The following SLC26A7 variants were observed in gnomAD, a reference collection of about 807,000 sequenced individuals.
SLC26A7 encodes anion exchange transporter.
A neutral mutation model predicts 82.5 loss-of-function variants in SLC26A7; 59 were observed. The ratio of observed to expected loss-of-function variants is 0.72; its 90% confidence interval spans 0.58 to 0.89. SLC26A7 has a LOEUF of 0.89. SLC26A7 is among the 40% of genes least tolerant of loss of function. The probability of loss-of-function intolerance (pLI) is 0.00; values close to 1 mark genes in which losing one functional copy is unlikely to be tolerated. For synonymous variants in SLC26A7, 271 were observed against 274.3 expected, an observed-to-expected ratio of 0.99 and a Z score of 0.12; for missense variants, 820 against 793.0, an observed-to-expected ratio of 1.03 and a Z score of -0.41.
chr8:91,340,301 G>A, intron 7 of SLC26A7, 103 bp from the exon 8 acceptor site: 1 of 1,405,304 alleles, frequency 7.1e-7, no homozygotes, highest in Non-Finnish European at 9.8e-7. Flanking sequence ...ATTTCACTTA[G>A]TCTATGTAAA....
At chr8:91,242,427 G>A (rs1810487241) in intron 2 of SLC26A7, among the ~76,000 whole-genome samples, 1 of 152,110 alleles carries the variant, frequency 6.6e-6, no homozygotes, top group South Asian at 2.1e-4. Flanking sequence ...CCTATATACA[G>A]CATTCTTAAT....
At chr8:91,346,447 C>T (rs1813566754) in intron 9 of SLC26A7, among the ~76,000 whole-genome samples, 1 of 152,098 alleles carries the variant, frequency 6.6e-6, no homozygotes, top group Non-Finnish European at 1.5e-5. Context: ...CACAAAACAA[C>T]CCCTTAAATG....
chr8:91,352,929 G>C lies in SLC26A7; in HGVS notation c.1247G>C (p.Gly416Ala), dbSNP rs1586443547. The C allele has an allele frequency of 7.5e-6, 12 of 1,608,046 alleles. No homozygotes were observed. Among genetic ancestry groups the C allele is most frequent in the Non-Finnish European group, 1.0e-5 (12 of 1,177,118 alleles). ...GTCCTTGCAAGCATTATTGTTGTGG[G>C]ACTGAAGGGAATGCTAATACAGTTC... ...MCVLASIIVVGLKGMLIQFRD... is the reference protein window; with the variant it reads ...MCVLASIIVVALKGMLIQFRD... Residue 416 changes from glycine (G) to alanine (A), a missense_variant, in exon 11 of 19, where the codon GGA (glycine) becomes GCA (alanine). By Grantham distance (60) the Gly-to-Ala change is moderately conservative. Transcript: ENST00000276609.
chr8:91,357,683 C>T (rs917025538), intron 11 of SLC26A7, among the ~76,000 whole-genome samples: 1 of 152,142 alleles, frequency 6.6e-6, no homozygotes, highest in African/African-American at 2.4e-5. Flanking sequence ...CAGTACCATT[C>T]AGGACATAGG....
chr8:91,278,945 A>G (rs1811480771), intron 2 of SLC26A7, among the ~76,000 whole-genome samples: 2 of 151,328 alleles, frequency 1.3e-5, no homozygotes, highest in Admixed American at 1.3e-4. Flanking sequence ...CTATCATTTC[A>G]CTCTTTCTAT....
At chr8:91,226,985 G>C (rs930074096) in intron 2 of SLC26A7, among the ~76,000 whole-genome samples, 1 of 152,206 alleles carries the variant, frequency 6.6e-6, no homozygotes, top group Non-Finnish European at 1.5e-5. Context: ...ATAGTAACCA[G>C]ATTCTGGAAG....
At chr8:91,391,262 C>T (rs1214236527) in intron 16 of SLC26A7, among the ~76,000 whole-genome samples, 1 of 152,172 alleles carries the variant, frequency 6.6e-6, no homozygotes, top group Non-Finnish European at 1.5e-5. Flanking sequence ...GTCCCAGCTG[C>T]ATCACACTAG....
At position 91,389,411 on chromosome 8, in the gene SLC26A7, C is replaced by T; in HGVS notation, c.1749C>T (p.Asp583=). The stretch of plus-strand genomic sequence containing the variant: ...ATTGCAGTGGATTTACCTTTTTTGA[C>T]TATTCTGGAGTCTCCATGCTTGTTG... ...ILDCSGFTFF[D]YSGVSMLVEV... is the part of the protein sequence containing the mutation. The change falls in exon 16 of 19, where the codon GAC becomes GAT. Residue 583 remains aspartate, a synonymous_variant. Coordinates refer to ENST00000276609, the MANE Select transcript of SLC26A7 (RefSeq NM_052832.4). 6.2e-7 allele frequency: 1 copy of T among 1,613,494 alleles called. No individual in the cohort carries two copies. The highest frequency in any genetic ancestry group is 8.5e-7 in the Non-Finnish European group (1 of 1,179,488).
At chr8:91,262,971 C>T (rs1180718800) in intron 2 of SLC26A7, among the ~76,000 whole-genome samples, 5 of 151,948 alleles carry the variant, frequency 3.3e-5, no homozygotes, top group Admixed American at 2.6e-4. Context: ...TAACCATGTA[C>T]CACTATGCAT....
intron 2 of SLC26A7, among the ~76,000 whole-genome samples, chr8:91,236,505 G>A (rs1207996175): frequency 6.6e-6 from 1 of 151,724 alleles, no homozygotes; most frequent in Non-Finnish European, 1.5e-5. Flanking sequence ...GATGTAATAG[G>A]TTACAGAAAA....
intron 1 of SLC26A7, among the ~76,000 whole-genome samples, chr8:91,217,535 T>A (rs189629524): frequency 6.6e-6 from 1 of 152,296 alleles, no homozygotes; most frequent in Admixed American, 6.5e-5. Flanking sequence ...TCTTGCCTTA[T>A]GTGCTTACCC....
chr8:91,343,546 C>T (rs1813477884), intron 9 of SLC26A7, 80 bp downstream of exon 9: 1 of 906,604 alleles, frequency 1.1e-6, no homozygotes, highest in East Asian at 2.5e-5. Context: ...GCTAGCTTCT[C>T]TTTAAAGCCC....
At chr8:91,231,335 T>C (rs1034618008) in intron 2 of SLC26A7, among the ~76,000 whole-genome samples, 38 of 152,338 alleles carry the variant, frequency 2.5e-4, no homozygotes, top group Non-Finnish European at 5.0e-4. Context: ...TAGTCTTATA[T>C]GGAGTTTTAA....
chr8:91,363,941 G>GT (rs5893169), intron 13 of SLC26A7, among the ~76,000 whole-genome samples: 343 of 135,670 alleles, frequency 2.5e-3, no homozygotes, highest in Middle Eastern at 3.9e-3. Flanking sequence ...TCATGGTATT[G>GT]TTTTTTTTTT....
In SLC26A7 at chr8:91,395,719, C is replaced by T. The variant is rs541399905; in HGVS notation, c.*622C>T. 4 of 152,032 alleles carry T rather than the reference C, an allele frequency of 2.6e-5. No individual in the cohort carries two copies. The highest frequency in any genetic ancestry group is 1.9e-4 in the East Asian group (1 of 5,198). 9.4% of individuals were successfully genotyped at this position (152,032 alleles called of 1,614,324 possible). On this transcript the variant is annotated 3_prime_UTR_variant, in exon 19 of 19. Transcript: ENST00000276609. ...AAGTATTCAGGAATGTTTTCATAAT[C>T]GAAAGAAACGGGTATCCAAATAAAA... is the stretch of plus-strand genomic sequence containing the variant.
intron 15 of SLC26A7, among the ~76,000 whole-genome samples, chr8:91,388,372 G>C (rs992134970): frequency 6.6e-6 from 1 of 152,028 alleles, no homozygotes; most frequent in Non-Finnish European, 1.5e-5. Context: ...TCAGCCTCCC[G>C]AGCGGGATTT....
In SLC26A7 at chr8:91,389,389, G is replaced by A; in HGVS notation, c.1727G>A (p.Cys576Tyr). Residue 576 changes from cysteine (C) to tyrosine (Y), a missense_variant, in exon 16 of 19, where the codon TGC becomes TAC. Transcript: ENST00000276609. ...GAGAAGTGTTATTTAATCCTGGATT[G>A]CAGTGGATTTACCTTTTTTGACTAT... The part of the protein sequence containing the change: ...PNEKCYLILD[C>Y]SGFTFFDYSG... The A allele has an allele frequency of 6.2e-7, 1 of 1,614,098 alleles. No individual in the cohort carries two copies. Among genetic ancestry groups the A allele is most frequent in the East Asian group, 2.2e-5 (1 of 44,872 alleles).
At chr8:91,349,996 C>T (rs1813669462) in intron 9 of SLC26A7, among the ~76,000 whole-genome samples, 1 of 152,094 alleles carries the variant, frequency 6.6e-6, no homozygotes, top group Non-Finnish European at 1.5e-5. Context: ...ACCAATTGCT[C>T]CTAAATGATC....
intron 2 of SLC26A7, among the ~76,000 whole-genome samples, chr8:91,277,293 A>T (rs1174914967): frequency 6.6e-6 from 1 of 152,186 alleles, no homozygotes; most frequent in Non-Finnish European, 1.5e-5. Context: ...GAGGCTAATC[A>T]TTCTCCCACT....
Sources: allele counts gnomAD v4.1 joint callset (sites outside exome capture counted in the v4.1 genomes callset), GRCh38; gene constraint gnomAD v4.1.1; transcripts MANE v1.5; gene names NCBI Gene and HGNC (gene_info 2026-07-23, HGNC 2026-07-21).